Variants in RGS6 observed in about 807,000 individuals in gnomAD.
RGS6 encodes the protein regulator of G protein signaling 6.
Under a neutral mutation model 78.5 loss-of-function variants are expected in RGS6, and 30 were observed. The ratio of observed to expected loss-of-function variants is 0.38; its 90% CI spans 0.29 to 0.52. The LOEUF (loss-of-function observed/expected upper bound fraction) is 0.52. Among genes scored for constraint, RGS6 ranks in the 20% least tolerant of loss-of-function variants. The pLI is 0.85. For synonymous variants in RGS6, 206 were observed against 206.0 expected (o/e 1.00, Z 0.00); for missense variants, 495 against 609.7 (o/e 0.81, Z 1.98).
chr14:72,260,284 T>C (rs1008628659), intron 2 of RGS6, among the ~76,000 whole-genome samples: 6 of 152,202 alleles, frequency 3.9e-5, no homozygotes, highest in Admixed American at 3.9e-4. Context: ...TTTTGAGCGC[T>C]GAGTTGCTAA....
chr14:72,219,633 G>A (rs539359843), intron 2 of RGS6, among the ~76,000 whole-genome samples: 1 of 152,078 alleles, frequency 6.6e-6, no homozygotes, highest in East Asian at 1.9e-4. Flanking sequence ...TTTGTTATAT[G>A]TTATGTAAAT....
intron 2 of RGS6, among the ~76,000 whole-genome samples, chr14:72,180,315 A>G (rs1490779277): frequency 6.6e-6 from 1 of 152,220 alleles, no homozygotes; most frequent in East Asian, 1.9e-4. Flanking sequence ...AGACAAAGGC[A>G]CCTCTCCAGA....
intron 1 of RGS6, among the ~76,000 whole-genome samples, chr14:71,943,266 A>G (rs1485792497): frequency 6.6e-6 from 1 of 152,152 alleles, no homozygotes; most frequent in Non-Finnish European, 1.5e-5. Context: ...CTCGTCTGTG[A>G]AAGAATAATT....
intron 2 of RGS6, among the ~76,000 whole-genome samples, chr14:72,130,056 G>A (rs2096282004): frequency 6.6e-6 from 1 of 152,150 alleles, no homozygotes; most frequent in Non-Finnish European, 1.5e-5. Flanking sequence ...CTTCCTGGCT[G>A]ACTACAAATG....
At chr14:72,134,633 G>C (rs57665257) in intron 2 of RGS6, among the ~76,000 whole-genome samples, 12,815 of 152,148 alleles carry the variant, frequency 0.084, 705 homozygotes, top group East Asian at 0.12. Flanking sequence ...ACTTATTATG[G>C]GAATTGGCTC....
chr14:72,214,162 A>G (rs979636838), intron 2 of RGS6, among the ~76,000 whole-genome samples: 2 of 148,890 alleles, frequency 1.3e-5, no homozygotes, highest in Non-Finnish European at 3.0e-5. Context: ...AAAAAACTAC[A>G]CTGTTTATTT....
intron 2 of RGS6, among the ~76,000 whole-genome samples, chr14:72,102,335 G>A (rs1384765451): frequency 6.6e-6 from 1 of 152,040 alleles, no homozygotes; most frequent in African/African-American, 2.4e-5. Flanking sequence ...ATATTAGTAT[G>A]TGTACAGAAA....
intron 2 of RGS6, among the ~76,000 whole-genome samples, chr14:72,008,631 G>A (rs1383987455): frequency 2.0e-5 from 3 of 152,014 alleles, no homozygotes; most frequent in African/African-American, 4.8e-5. Flanking sequence ...CTCTAATCCC[G>A]TGCTTTCCTG....
At chr14:72,479,675 A>T (rs2096325791) in intron 12 of RGS6, among the ~76,000 whole-genome samples, 1 of 152,138 alleles carries the variant, frequency 6.6e-6, no homozygotes, top group Non-Finnish European at 1.5e-5. Context: ...AGGCTGCAGA[A>T]TCACCTCATA....
At chr14:72,602,557 G>A in the RGS6 span, among the ~76,000 whole-genome samples, 9 of 152,146 alleles carry the variant, frequency 5.9e-5, no homozygotes, top group East Asian at 1.9e-4. Context: ...TCCACCGGCC[G>A]ACTCACAGTG....
intron 2 of RGS6, among the ~76,000 whole-genome samples, chr14:72,021,620 C>T (rs1386422315): frequency 6.6e-6 from 1 of 151,758 alleles, no homozygotes; most frequent in East Asian, 1.9e-4. Flanking sequence ...AGGCGCCTGC[C>T]ACCACACCTG....
At chr14:72,033,532 GC>G (rs529356999) in intron 2 of RGS6, among the ~76,000 whole-genome samples, 2 of 152,132 alleles carry the variant, frequency 1.3e-5, no homozygotes, top group Non-Finnish European at 2.9e-5. Flanking sequence ...AGTGTGCTCG[GC>G]TGATGCTTTG....
At chr14:72,479,275 A>G (rs1176550408) in intron 12 of RGS6, among the ~76,000 whole-genome samples, 1 of 152,206 alleles carries the variant, frequency 6.6e-6, no homozygotes, top group Non-Finnish European at 1.5e-5. Context: ...AAAGAGTCTG[A>G]TTGAATACCC....
chr14:72,551,955 A>T (rs567798073), intron 17 of RGS6, among the ~76,000 whole-genome samples: 3 of 152,380 alleles, frequency 2.0e-5, no homozygotes, highest in Non-Finnish European at 4.4e-5. Context: ...TAACGTCCTT[A>T]GCACACTGTG....
chr14:72,562,763 C>T lies in RGS6; in HGVS notation c.*296C>T, dbSNP rs2097691417. ...TAAGAGGCCCTGATCCCAGCTCATTCAGGGGAGAACACGTCGTGGGGTTCC... is the reference window on the plus strand; with the variant it reads ...TAAGAGGCCCTGATCCCAGCTCATTTAGGGGAGAACACGTCGTGGGGTTCC... On this transcript the variant is annotated 3_prime_UTR_variant, in exon 18 of 18. Coordinates refer to ENST00000553525, the MANE Select transcript of RGS6 (RefSeq NM_001204424.2). 6.5e-7 allele frequency: 1 copy of T among 1,532,364 alleles called. No homozygotes were observed. Among genetic ancestry groups the T allele is most frequent in the African/African-American group, 1.4e-5 (1 of 72,964 alleles). 94.9% of individuals were successfully genotyped at this position (1,532,364 alleles called of 1,614,324 possible). A position where few individuals can be genotyped will look rare whatever the true frequency, so the allele number is the denominator to read the frequency against.
At chr14:71,868,185 C>T in the RGS6 span, among the ~76,000 whole-genome samples, 4 of 152,220 alleles carry the variant, frequency 2.6e-5, no homozygotes, top group African/African-American at 7.2e-5. Flanking sequence ...GACTGTGTCC[C>T]GTAATGCTCC....
intron 3 of RGS6, among the ~76,000 whole-genome samples, chr14:72,386,771 A>G (rs978986923): frequency 6.6e-6 from 1 of 152,214 alleles, no homozygotes; most frequent in South Asian, 2.1e-4. Context: ...GTGCAATCAA[A>G]TAACTTGAAA....
chr14:72,424,925 T>C (rs2094370763), intron 3 of RGS6, among the ~76,000 whole-genome samples: 1 of 152,202 alleles, frequency 6.6e-6, no homozygotes, highest in Non-Finnish European at 1.5e-5. Context: ...GATGGTTGTC[T>C]TCATCCTGAG....
chr14:72,346,369 G>A (rs1651896736), intron 2 of RGS6, among the ~76,000 whole-genome samples: 1 of 152,198 alleles, frequency 6.6e-6, no homozygotes, highest in Admixed American at 6.5e-5. Flanking sequence ...CAAGAGGCAT[G>A]GAGAAGGAGC....
Sources: gnomAD v4.1 joint callset for allele counts (sites outside exome capture counted in the v4.1 genomes callset) on GRCh38, gnomAD v4.1.1 for gene constraint, MANE v1.5 for transcripts, NCBI Gene and HGNC (gene_info 2026-07-23, HGNC 2026-07-21) for gene names.